The following STAB2 variants were observed in gnomAD, a reference collection of about 807,000 sequenced individuals.
The protein encoded by STAB2 is stabilin 2.
A neutral mutation model predicts 338.1 loss-of-function variants in STAB2; 288 were observed. The observed-to-expected ratio is 0.85, with a 90% CI of 0.77 to 0.94. The LOEUF is 0.94. Among genes scored for constraint, STAB2 ranks in the 40% least tolerant of loss-of-function variants. The pLI is 0.00. For missense variants in STAB2, 3,141 were observed against 3,210.1 expected (o/e 0.98, Z 0.52); for synonymous variants, 1,202 against 1,193.3 (o/e 1.01, Z -0.15).
chr12:103,654,195 T>G (rs1214018720), intron 12 of STAB2, among the ~76,000 whole-genome samples: 1 of 152,232 alleles, frequency 6.6e-6, no homozygotes, highest in Admixed American at 6.5e-5. Flanking sequence ...CACAAATAAT[T>G]TTATTGTGTG....
chr12:103,704,710 AT>A, intron 36 of STAB2, 96 bp downstream of exon 36: 1 of 981,400 alleles, frequency 1.0e-6, no homozygotes, highest in South Asian at 1.5e-5. Flanking sequence ...CACTTCCCTC[AT>A]TCCTTCACTT....
chr12:103,674,102 G>A lies in STAB2; in HGVS notation c.2552+15G>A. 1 of 1,601,758 alleles carries A rather than the reference G, an allele frequency of 6.2e-7. No homozygotes were observed. On this transcript the variant is annotated intron_variant, in intron 23 of 68. Transcript: ENST00000388887. The stretch of plus-strand genomic sequence containing the variant: ...GGGACAGCCAGGTAGGTCTGTGAGG[G>A]AATGGCCCTTAATGACGCTGAGTCA...
intron 25 of STAB2, among the ~76,000 whole-genome samples, chr12:103,682,571 T>C (rs1877016025): frequency 6.6e-6 from 1 of 151,324 alleles, no homozygotes; most frequent in South Asian, 2.1e-4. Flanking sequence ...ACCTTTCTCA[T>C]TAGGTAGAAG....
chr12:103,608,470 T>A (rs1957069118), intron 3 of STAB2, among the ~76,000 whole-genome samples: 1 of 152,224 alleles, frequency 6.6e-6, no homozygotes, highest in South Asian at 2.1e-4. Flanking sequence ...ATGTGTCTTT[T>A]GGCTGCATAA....
intron 5 of STAB2, among the ~76,000 whole-genome samples, chr12:103,630,976 A>C (rs764768021): frequency 3.9e-5 from 6 of 152,262 alleles, no homozygotes; most frequent in Non-Finnish European, 8.8e-5. Context: ...CCATAGGATG[A>C]CAATGGCCTA....
At position 103,715,860 on chromosome 12, in the gene STAB2, CG is replaced by C. The variant is rs764222474; in HGVS notation, c.4585del (p.Glu1529SerfsTer32). Reference sequence around the variant, plus strand: ...AACCATGGTGGCTGTGACAAGAATGCGGAGTGCACACAGACAGGACCCAACC... The same window carrying C: ...AACCATGGTGGCTGTGACAAGAATGCGAGTGCACACAGACAGGACCCAACC... ...LENHGGCDKN[A>X]ECTQTGPNQA... On this transcript the variant is annotated frameshift_variant, in exon 43 of 69. Transcript: ENST00000388887. LOFTEE classifies it high-confidence loss of function. The C allele has an allele frequency of 1.1e-5, 18 of 1,613,936 alleles. No individual in the cohort carries two copies. Among genetic ancestry groups the C allele is most frequent in the Non-Finnish European group, 1.5e-5 (18 of 1,179,956 alleles).
intron 55 of STAB2, among the ~76,000 whole-genome samples, chr12:103,741,614 C>G (rs888929957): frequency 1.3e-5 from 2 of 152,204 alleles, no homozygotes; most frequent in Non-Finnish European, 2.9e-5. Flanking sequence ...CCACAAGACT[C>G]AGCTAATTTT....
intron 25 of STAB2, among the ~76,000 whole-genome samples, chr12:103,679,326 C>A (rs1566008787): frequency 6.6e-6 from 1 of 151,956 alleles, no homozygotes; most frequent in Non-Finnish European, 1.5e-5. Context: ...TGAGATCGTG[C>A]CATTGCATTC....
At chr12:103,612,056 A>G (rs999598494) in intron 3 of STAB2, among the ~76,000 whole-genome samples, 1 of 152,096 alleles carries the variant, frequency 6.6e-6, no homozygotes, top group Non-Finnish European at 1.5e-5. Flanking sequence ...TGAGATATCC[A>G]CTGTTAGTCT....
chr12:103,678,539 T>C (rs1351367450), intron 25 of STAB2, among the ~76,000 whole-genome samples: 1 of 152,202 alleles, frequency 6.6e-6, no homozygotes, highest in Non-Finnish European at 1.5e-5. Flanking sequence ...CCCTATTTTA[T>C]TTTTTGAGAT....
At chr12:103,732,263 C>T (rs1320035789) in intron 50 of STAB2, among the ~76,000 whole-genome samples, 3 of 152,200 alleles carry the variant, frequency 2.0e-5, no homozygotes, top group South Asian at 2.1e-4. Flanking sequence ...AAGCTGAGAT[C>T]GCACCACTGC....
At chr12:103,591,703 G>T (rs1956800687) in intron 2 of STAB2, among the ~76,000 whole-genome samples, 1 of 152,134 alleles carries the variant, frequency 6.6e-6, no homozygotes, top group African/African-American at 2.4e-5. Context: ...GTCGAAGAAG[G>T]GGGAAAGATG....
chr12:103,698,425 G>C (rs1878583176), intron 33 of STAB2, among the ~76,000 whole-genome samples: 1 of 152,218 alleles, frequency 6.6e-6, no homozygotes, highest in African/African-American at 2.4e-5. Flanking sequence ...AGAAGGTTAA[G>C]AGGGGTGGAA....
chr12:103,688,592 C>G (rs961893531), intron 28 of STAB2, among the ~76,000 whole-genome samples: 1 of 152,226 alleles, frequency 6.6e-6, no homozygotes. Flanking sequence ...GTGCTTAACT[C>G]TCAGCTCAAC....
intron 3 of STAB2, among the ~76,000 whole-genome samples, chr12:103,613,260 G>C (rs955128508): frequency 5.9e-5 from 9 of 152,194 alleles, no homozygotes; most frequent in Non-Finnish European, 1.0e-4. Context: ...GCTGCCTTTT[G>C]TTTGGCTATG....
intron 26 of STAB2, 102 bp from the exon 27 acceptor site, chr12:103,684,887 A>C: frequency 9.4e-7 from 1 of 1,064,674 alleles, no homozygotes; most frequent in African/African-American, 1.6e-5. Context: ...TCAGCCCCAA[A>C]TTTGCAGTTA....
rs776958553 is a variant in STAB2 at position 103,695,574 on chromosome 12, A to C, written c.3400A>C (p.Thr1134Pro). 32 of 1,614,196 alleles carry C rather than the reference A, an allele frequency of 2.0e-5. No homozygotes were observed. Among genetic ancestry groups the C allele is most frequent in the Non-Finnish European group, 2.6e-5 (31 of 1,180,034 alleles). The change falls in exon 32 of 69, where the codon ACT becomes CCT. Residue 1134 changes from threonine to proline, a missense_variant. Thr to Pro is a conservative substitution (Grantham distance 38). Coordinates refer to ENST00000388887, the MANE Select transcript of STAB2 (RefSeq NM_017564.10). ...GGTGCTGGTCCCACAAAGACGTCTA[A>C]CTGGCTCCTTACCAAACCTGCTCAT... Reference protein sequence around the residue: ...NKVLVPQRRLTGSLPNLLMRL... With the variant: ...NKVLVPQRRLPGSLPNLLMRL...
intron 61 of STAB2, among the ~76,000 whole-genome samples, chr12:103,754,038 T>C (rs1883902325): frequency 6.6e-6 from 1 of 152,212 alleles, no homozygotes; most frequent in African/African-American, 2.4e-5. Context: ...AGTTCCAGGC[T>C]GGTGGTTTAT....
In STAB2 at chr12:103,621,983, C is replaced by T. The variant is rs148526153; in HGVS notation, c.418-59C>T. 1.5e-4 allele frequency: 228 copies of T among 1,548,686 alleles called. No homozygotes were observed. In the African/African-American group the frequency reaches 2.7e-3, roughly 18 times the overall value. On this transcript the variant is annotated intron_variant, in intron 4 of 68. Transcript: ENST00000388887. ...AAATGCTGAGTTGGAAATCCAAGGC[C>T]TTCCTTGGTACCATGGGTCACCTTG... is the stretch of plus-strand genomic sequence containing the variant.
Sources: allele counts gnomAD v4.1 joint callset (sites outside exome capture counted in the v4.1 genomes callset), GRCh38; gene constraint gnomAD v4.1.1; transcripts MANE v1.5; gene names NCBI Gene and HGNC (gene_info 2026-07-23, HGNC 2026-07-21).